TBC1D22A: variants seen among roughly 807,000 people sequenced by gnomAD.
TBC1D22A encodes the protein TBC1 domain family member 22A.
A neutral mutation model predicts 60.2 loss-of-function variants in TBC1D22A; 38 were observed. The observed-to-expected ratio is 0.63, with a 90% CI of 0.49 to 0.83. The LOEUF (loss-of-function observed/expected upper bound fraction) is 0.83, where lower values mean the gene tolerates loss of function less well. TBC1D22A is among the 40% of genes least tolerant of loss of function. The pLI is 0.00. For missense variants in TBC1D22A, 628 were observed against 701.0 expected (o/e 0.90, Z 1.18); for synonymous variants, 302 against 281.7 (o/e 1.07, Z -0.72).
chr22:46,890,198 G>A (rs1279947805), intron 5 of TBC1D22A, among the ~76,000 whole-genome samples: 1 of 152,064 alleles, frequency 6.6e-6, no homozygotes, highest in Non-Finnish European at 1.5e-5. Flanking sequence ...ATTTAGCTGG[G>A]CGTGGTGGCG....
chr22:47,008,582 G>A (rs2061657617), intron 10 of TBC1D22A, among the ~76,000 whole-genome samples: 1 of 152,224 alleles, frequency 6.6e-6, no homozygotes, highest in African/African-American at 2.4e-5. Context: ...GCTGTGCAGA[G>A]CATCCTAACC....
At chr22:47,172,426 A>C (rs1405915388) in intron 12 of TBC1D22A, among the ~76,000 whole-genome samples, 1 of 152,262 alleles carries the variant, frequency 6.6e-6, no homozygotes, top group Admixed American at 6.5e-5. Flanking sequence ...ACAGGAGGCG[A>C]GATTTTAAAA....
chr22:46,855,435 G>C (rs766154019), intron 4 of TBC1D22A, among the ~76,000 whole-genome samples: 4 of 152,202 alleles, frequency 2.6e-5, no homozygotes, highest in Non-Finnish European at 5.9e-5. Context: ...AGGAACACGG[G>C]GATGTGGGAG....
At chr22:46,861,364 G>A (rs916634810) in intron 4 of TBC1D22A, among the ~76,000 whole-genome samples, 1 of 152,084 alleles carries the variant, frequency 6.6e-6, no homozygotes, top group East Asian at 1.9e-4. Context: ...ATCTTTTCAG[G>A]TTTTCAAAAT....
Position 47,131,647 on chromosome 22 carries a change from G to A in TBC1D22A, c.1425+20044G>A, listed in dbSNP as rs140305248. Among the ~76,000 whole-genome samples, 279 of 152,364 alleles carry A rather than the reference G, an allele frequency of 1.8e-3. 5 individuals carry two copies. The highest frequency in any genetic ancestry group is 0.016 in the Admixed American group (245 of 15,310). ...TGGCCACCTGGGGAAGCAAGGGCAT[G>A]TCAAGGCCATTCCTGCTGACAGTGG... On this transcript the variant is annotated intron_variant, in intron 12 of 12. Coordinates refer to ENST00000337137, the MANE Select transcript of TBC1D22A (RefSeq NM_014346.5).
chr22:46,969,339 C>T (rs938589005), intron 8 of TBC1D22A, among the ~76,000 whole-genome samples: 3 of 152,164 alleles, frequency 2.0e-5, no homozygotes, highest in Admixed American at 1.3e-4. Context: ...AGTGTTCAGA[C>T]ATTCCTGTGT....
chr22:47,122,542 C>T (rs775628991), intron 12 of TBC1D22A, among the ~76,000 whole-genome samples: 1 of 152,188 alleles, frequency 6.6e-6, no homozygotes, highest in Non-Finnish European at 1.5e-5. Flanking sequence ...GGTCTCAGCC[C>T]ATGTATGGCC....
At chr22:47,002,052 C>G (rs2061424478) in intron 10 of TBC1D22A, among the ~76,000 whole-genome samples, 1 of 152,120 alleles carries the variant, frequency 6.6e-6, no homozygotes, top group African/African-American at 2.4e-5. Context: ...CAATCTGTTC[C>G]CTACTTAGCA....
chr22:47,017,344 C>T (rs991581975), intron 10 of TBC1D22A, among the ~76,000 whole-genome samples: 2 of 152,302 alleles, frequency 1.3e-5, no homozygotes, highest in East Asian at 1.9e-4. Context: ...AGGTAGTAAG[C>T]CCAAGGCTGC....
chr22:47,090,687 G>C (rs115496272), intron 11 of TBC1D22A, among the ~76,000 whole-genome samples: 1 of 151,150 alleles, frequency 6.6e-6, no homozygotes, highest in Non-Finnish European at 1.5e-5. Context: ...GGGTGGCTGC[G>C]TGTTGATAGA....
At chr22:46,823,491 G>A (rs2085915652) in intron 4 of TBC1D22A, among the ~76,000 whole-genome samples, 1 of 152,150 alleles carries the variant, frequency 6.6e-6, no homozygotes, top group Non-Finnish European at 1.5e-5. Flanking sequence ...CCAGGGCCCT[G>A]GGTGAGTTCT....
intron 4 of TBC1D22A, among the ~76,000 whole-genome samples, chr22:46,840,403 C>T (rs12165655): frequency 0.01 from 1,577 of 152,220 alleles, 23 homozygotes; most frequent in African/African-American, 0.036. Flanking sequence ...AAAATCACAA[C>T]GAGTTATCAT....
rs755488885 is a variant in TBC1D22A, at chr22:46,891,260, A to G, written c.709-6A>G. On this transcript the variant is annotated splice_polypyrimidine_tract_variant and splice_region_variant and intron_variant, in intron 5 of 12. Coordinates refer to ENST00000337137, the MANE Select transcript of TBC1D22A (RefSeq NM_014346.5). Reference sequence around the variant, plus strand: ...CATGTATATTTTTTGTTTATTTCTCACCCAGGGTTACCTTCCCGCCAATGT... The same window carrying G: ...CATGTATATTTTTTGTTTATTTCTCGCCCAGGGTTACCTTCCCGCCAATGT... 6.3e-7 allele frequency: 1 copy of G among 1,594,774 alleles called. No homozygotes were observed. The highest frequency in any genetic ancestry group is 8.5e-7 in the Non-Finnish European group (1 of 1,171,530).
chr22:46,972,051 C>G (rs1254144986), intron 8 of TBC1D22A, among the ~76,000 whole-genome samples: 2 of 152,258 alleles, frequency 1.3e-5, no homozygotes, highest in East Asian at 1.9e-4. Context: ...CATCCTAGCC[C>G]CGCATTCGAG....
rs140131367 is a variant in TBC1D22A, at chr22:47,161,108, T to C, written c.1426-12390T>C. Among the ~76,000 whole-genome samples, 184 of 152,306 alleles carry C rather than the reference T, an allele frequency of 1.2e-3. 1 individual carries two copies. The highest frequency in any genetic ancestry group is 4.1e-3 in the African/African-American group (170 of 41,560). On this transcript the variant is annotated intron_variant, in intron 12 of 12. Coordinates refer to ENST00000337137, the MANE Select transcript of TBC1D22A (RefSeq NM_014346.5). Reference sequence around the variant, plus strand: ...GGGACACCAGGTGACCATGGAGGTGTACCTCCCTGCTGGGGAGGGAGCACT... The same window carrying C: ...GGGACACCAGGTGACCATGGAGGTGCACCTCCCTGCTGGGGAGGGAGCACT...
intron 4 of TBC1D22A, among the ~76,000 whole-genome samples, chr22:46,839,080 C>A (rs1213953248): frequency 2.6e-5 from 4 of 152,152 alleles, no homozygotes; most frequent in Admixed American, 2.0e-4. Flanking sequence ...TTCGCATGAT[C>A]TTATACGTAG....
chr22:46,878,325 GA>G lies in TBC1D22A; in HGVS notation c.638-327del, dbSNP rs1410508060. Among the ~76,000 whole-genome samples, 7 of 151,114 alleles carry G rather than the reference GA, an allele frequency of 4.6e-5. No homozygotes were observed. The East Asian group carries it at 7.8e-4, about 17-fold the overall frequency. ...AAGAGAGAGAAGGAGGTGGGAGGGA[GA>G]GAGAGAAGGAGGTGGGAGGGAAGGA... On this transcript the variant is annotated intron_variant, in intron 4 of 12. Transcript: ENST00000337137.
chr22:46,941,377 AATAT>A (rs1225020492), intron 8 of TBC1D22A, among the ~76,000 whole-genome samples: 3 of 147,276 alleles, frequency 2.0e-5, no homozygotes, highest in Non-Finnish European at 3.0e-5. Flanking sequence ...ATATATACAG[AATAT>A]ATATACGGAA....
intron 12 of TBC1D22A, among the ~76,000 whole-genome samples, chr22:47,113,538 G>A (rs1008940645): frequency 7.9e-5 from 12 of 152,186 alleles, no homozygotes; most frequent in African/African-American, 2.9e-4. Flanking sequence ...GCCCCACTCT[G>A]GGCAGACTCT....
Sources: gnomAD v4.1 joint callset for allele counts (sites outside exome capture counted in the v4.1 genomes callset) on GRCh38, gnomAD v4.1.1 for gene constraint, MANE v1.5 for transcripts, NCBI Gene and HGNC (gene_info 2026-07-23, HGNC 2026-07-21) for gene names.